Variants in ZBTB7C observed in about 807,000 individuals in gnomAD.
The protein encoded by ZBTB7C is zinc finger and BTB domain containing 7C, also known as zinc finger and BTB domain-containing protein 7C.
In ZBTB7C, 8 loss-of-function variants were observed where a neutral mutation model predicts 25.7. The ratio of observed to expected loss-of-function variants is 0.31; its 90% CI spans 0.18 to 0.56. The LOEUF is 0.56. ZBTB7C is among the 20% of genes least tolerant of loss of function. The probability of loss-of-function intolerance (pLI) is 0.91; values close to 1 mark genes in which losing one functional copy is unlikely to be tolerated. For missense variants in ZBTB7C, 824 were observed against 855.2 expected (o/e 0.96, Z 0.46); for synonymous variants, 394 against 369.0 (o/e 1.07, Z -0.78).
chr18:48,298,044 G>A (rs902702779), intron 2 of ZBTB7C, among the ~76,000 whole-genome samples: 6 of 152,148 alleles, frequency 3.9e-5, no homozygotes, highest in African/African-American at 1.4e-4. Context: ...ATTTTGGGAG[G>A]CTGAGGCAGG....
intron 2 of ZBTB7C, among the ~76,000 whole-genome samples, chr18:48,236,554 T>C (rs556847288): frequency 5.8e-4 from 89 of 152,320 alleles, no homozygotes; most frequent in Non-Finnish European, 1.1e-3. Context: ...GAAATAACAC[T>C]TTAATTGCAT....
chr18:48,090,245 A>G (rs2038361171), intron 3 of ZBTB7C, among the ~76,000 whole-genome samples: 2 of 152,220 alleles, frequency 1.3e-5, no homozygotes, highest in Admixed American at 6.5e-5. Context: ...TGTACCAAGG[A>G]CAAATGAGGT....
intron 2 of ZBTB7C, among the ~76,000 whole-genome samples, chr18:48,330,653 T>TAA (rs764929749): frequency 3.8e-4 from 54 of 143,046 alleles, no homozygotes; most frequent in Admixed American, 4.2e-4. Context: ...TTTCTGTATT[T>TAA]AAAAAAAAAA....
intron 3 of ZBTB7C, among the ~76,000 whole-genome samples, chr18:48,081,590 T>G (rs1014966062): frequency 6.6e-6 from 1 of 151,974 alleles, no homozygotes; most frequent in African/African-American, 2.4e-5. Context: ...TCCCTCTAAG[T>G]GATTTCTTTA....
intron 3 of ZBTB7C, chr18:48,185,301 C>T: frequency 2.2e-6 from 1 of 445,750 alleles, no homozygotes; most frequent in Admixed American, 2.5e-5. Context: ...CCGGGCCATG[C>T]CAGCCAGAGC....
At chr18:48,287,122 T>C (rs1338963957) in intron 2 of ZBTB7C, among the ~76,000 whole-genome samples, 1 of 152,118 alleles carries the variant, frequency 6.6e-6, no homozygotes, top group Non-Finnish European at 1.5e-5. Flanking sequence ...TTGAAATCAG[T>C]AACAAACGGT....
intron 3 of ZBTB7C, chr18:48,185,420 G>A (rs749699308): frequency 7.0e-5 from 25 of 355,660 alleles, no homozygotes; most frequent in African/African-American, 3.7e-4. Context: ...GCTGCTTCTC[G>A]TGGATTTCCC....
intron 2 of ZBTB7C, among the ~76,000 whole-genome samples, chr18:48,277,322 A>G (rs936186323): frequency 1.3e-5 from 2 of 148,892 alleles, no homozygotes; most frequent in South Asian, 2.2e-4. Flanking sequence ...CAACCCCATC[A>G]AAAAGTGGGC....
At chr18:48,219,863 G>A (rs1485082478) in intron 2 of ZBTB7C, among the ~76,000 whole-genome samples, 2 of 152,092 alleles carry the variant, frequency 1.3e-5, no homozygotes, top group Non-Finnish European at 2.9e-5. Context: ...GGAGAGGGAT[G>A]GAGGCTGAGA....
intron 2 of ZBTB7C, among the ~76,000 whole-genome samples, chr18:48,318,529 G>T (rs1356893672): frequency 6.6e-6 from 1 of 152,196 alleles, no homozygotes; most frequent in African/African-American, 2.4e-5. Flanking sequence ...CCTCACACTA[G>T]GAGGGTCGCA....
At chr18:48,070,266 A>T (rs2037494189) in intron 3 of ZBTB7C, among the ~76,000 whole-genome samples, 2 of 152,216 alleles carry the variant, frequency 1.3e-5, no homozygotes, top group Admixed American at 6.5e-5. Context: ...GAGGAGTGAA[A>T]TGCTTTAGGC....
At chr18:48,166,770 TG>T (rs2041261313) in intron 3 of ZBTB7C, among the ~76,000 whole-genome samples, 1 of 152,172 alleles carries the variant, frequency 6.6e-6, no homozygotes. Flanking sequence ...TGGACCATAT[TG>T]GGCACATTTG....
At chr18:48,301,916 C>T (rs902969277) in intron 2 of ZBTB7C, among the ~76,000 whole-genome samples, 2 of 152,276 alleles carry the variant, frequency 1.3e-5, no homozygotes, top group Middle Eastern at 3.4e-3. Flanking sequence ...TAGAGCAGCG[C>T]TCTGATGGAC....
chr18:48,382,300 G>T lies in ZBTB7C; in HGVS notation c.-304+26926C>A, dbSNP rs181495020. Among the ~76,000 whole-genome samples, 349 of 152,196 alleles carry T rather than the reference G, an allele frequency of 2.3e-3. 2 individuals carry two copies. Among genetic ancestry groups the T allele is most frequent in the Non-Finnish European group, 1.9e-3 (127 of 68,002 alleles). Reference sequence around the variant, plus strand: ...GATGGAGATAGGCTAGGAAAGCAGGGGATTATTGTTTTTCATACGTTTTTA... The same window carrying T: ...GATGGAGATAGGCTAGGAAAGCAGGTGATTATTGTTTTTCATACGTTTTTA... On this transcript the variant is annotated intron_variant, in intron 1 of 4. Transcript: ENST00000590800.
intron 3 of ZBTB7C, among the ~76,000 whole-genome samples, chr18:48,124,227 G>C (rs1326092868): frequency 6.6e-6 from 1 of 152,226 alleles, no homozygotes; most frequent in African/African-American, 2.4e-5. Flanking sequence ...CCCGCAGTCT[G>C]TCTGCCTGAC....
intron 3 of ZBTB7C, among the ~76,000 whole-genome samples, chr18:48,110,878 G>A (rs2039214312): frequency 6.6e-6 from 1 of 152,190 alleles, no homozygotes; most frequent in African/African-American, 2.4e-5. Flanking sequence ...CTAGCTATGA[G>A]CAACCTGAAG....
chr18:48,165,844 A>G (rs958862057), intron 3 of ZBTB7C, among the ~76,000 whole-genome samples: 4 of 152,200 alleles, frequency 2.6e-5, no homozygotes, highest in Admixed American at 1.3e-4. Flanking sequence ...CTCATTTTAC[A>G]GATGAGGAAA....
chr18:48,117,129 CA>C (rs1182554171), intron 3 of ZBTB7C, among the ~76,000 whole-genome samples: 1 of 152,152 alleles, frequency 6.6e-6, no homozygotes, highest in African/African-American at 2.4e-5. Flanking sequence ...CCAAAGAAAC[CA>C]CACATATTTT....
intron 2 of ZBTB7C, among the ~76,000 whole-genome samples, chr18:48,265,533 C>G (rs1196600739): frequency 2.0e-5 from 3 of 152,160 alleles, no homozygotes; most frequent in African/African-American, 7.2e-5. Context: ...CAGAGGAGAA[C>G]TAAATGACAT....
Sources: gnomAD v4.1 joint callset for allele counts (sites outside exome capture counted in the v4.1 genomes callset) on GRCh38, gnomAD v4.1.1 for gene constraint, MANE v1.5 for transcripts, NCBI Gene and HGNC (gene_info 2026-07-23, HGNC 2026-07-21) for gene names.